The following LGSN variants were observed in gnomAD, a reference collection of about 807,000 sequenced individuals.
The protein encoded by LGSN is lengsin.
A neutral mutation model predicts 19.5 loss-of-function variants in LGSN; 21 were observed. The observed-to-expected ratio is 1.07, with a 90% confidence interval of 0.76 to 1.55. The LOEUF (loss-of-function observed/expected upper bound fraction) is 1.55. Ranked by LOEUF, LGSN falls within the 40% of genes most tolerant of loss-of-function variation. LGSN has a pLI of 0.00. For synonymous variants in LGSN, 257 were observed against 215.6 expected (o/e 1.19, Z -1.68); for missense variants, 673 against 608.5 (o/e 1.11, Z -1.12).
chr6:63,305,438 C>A (rs1320106639), intron 1 of LGSN, among the ~76,000 whole-genome samples: 1 of 152,172 alleles, frequency 6.6e-6, no homozygotes, highest in African/African-American at 2.4e-5. Context: ...TACCTCCTTA[C>A]ATATCTTAAG....
the LGSN span, among the ~76,000 whole-genome samples, chr6:63,527,496 G>A: frequency 6.6e-6 from 1 of 152,072 alleles, no homozygotes; most frequent in African/African-American, 2.4e-5. Context: ...TCAAAATGTA[G>A]AGGGTATAAA....
the LGSN span, among the ~76,000 whole-genome samples, chr6:63,335,569 A>G: frequency 6.6e-6 from 1 of 152,224 alleles, no homozygotes; most frequent in Non-Finnish European, 1.5e-5. Context: ...CAACATCTCT[A>G]ATCATCAGGG....
the LGSN span, among the ~76,000 whole-genome samples, chr6:63,449,317 C>T: frequency 3.9e-5 from 6 of 152,110 alleles, no homozygotes; most frequent in East Asian, 1.2e-3. Flanking sequence ...GAGGCCGAGG[C>T]GGGCGGATCA....
At chr6:63,323,035 A>T (rs1369850532), upstream of LGSN, among the ~76,000 whole-genome samples, 4 of 152,242 alleles carry the variant, frequency 2.6e-5, no homozygotes, top group Non-Finnish European at 4.4e-5. Context: ...AAATCATTTT[A>T]ATTTAGCATT....
At chr6:63,421,179 T>G in the LGSN span, among the ~76,000 whole-genome samples, 1 of 151,780 alleles carries the variant, frequency 6.6e-6, no homozygotes, top group East Asian at 1.9e-4. Context: ...CCCAGCATTT[T>G]GGGAGGCTGA....
rs753673176 is a variant in LGSN at position 63,280,337 on chromosome 6, A to T, written c.1214T>A (p.Ile405Lys). The T allele has an allele frequency of 1.2e-6, 2 of 1,614,180 alleles. No homozygotes were observed. Among genetic ancestry groups the T allele is most frequent in the African/African-American group, 2.7e-5 (2 of 75,042 alleles). Residue 405 changes from isoleucine to lysine, a missense_variant, in exon 4 of 4, where the codon ATA becomes AAA. By Grantham distance (102) the Ile-to-Lys change is moderately radical. Transcript: ENST00000370657. The part of the protein sequence containing the change: ...IKCHGEKGTR[I>K]ENKLGSATAN... Reference sequence around the variant, plus strand: ...TGTTGCTGAGCCTAGTTTATTTTCTATCCGGGTGCCTTTCTCTCCATGACA... The same window carrying T: ...TGTTGCTGAGCCTAGTTTATTTTCTTTCCGGGTGCCTTTCTCTCCATGACA...
At chr6:63,397,607 T>C in the LGSN span, among the ~76,000 whole-genome samples, 43 of 152,036 alleles carry the variant, frequency 2.8e-4, no homozygotes, top group Middle Eastern at 6.8e-3. Flanking sequence ...GTGGGAAGAC[T>C]TGTTAATAGA....
intron 1 of LGSN, among the ~76,000 whole-genome samples, chr6:63,317,834 C>T (rs1286097027): frequency 2.6e-5 from 4 of 152,182 alleles, no homozygotes; most frequent in African/African-American, 9.7e-5. Context: ...ATGGAAACGT[C>T]AGAACTGTGT....
At chr6:63,431,449 T>C in the LGSN span, among the ~76,000 whole-genome samples, 5 of 152,192 alleles carry the variant, frequency 3.3e-5, no homozygotes, top group African/African-American at 4.8e-5. Flanking sequence ...GTGTTTCCCA[T>C]TGAAGAAACA....
chr6:63,549,546 A>T, the LGSN span: 72 of 625,530 alleles, frequency 1.2e-4, no homozygotes, highest in Admixed American at 7.5e-4. Context: ...TAAAGGTGAT[A>T]AATGTTGACA....
chr6:63,404,562 A>T, the LGSN span, among the ~76,000 whole-genome samples: 3 of 152,076 alleles, frequency 2.0e-5, no homozygotes, highest in Non-Finnish European at 4.4e-5. Flanking sequence ...GTGTCTGCTG[A>T]GGGACCACTT....
At chr6:63,491,241 T>G in the LGSN span, among the ~76,000 whole-genome samples, 1 of 152,172 alleles carries the variant, frequency 6.6e-6, no homozygotes, top group Non-Finnish European at 1.5e-5. Context: ...TCCAGCACTT[T>G]AACCTGGAGT....
chr6:63,366,315 A>G, the LGSN span, among the ~76,000 whole-genome samples: 1 of 152,228 alleles, frequency 6.6e-6, no homozygotes, highest in African/African-American at 2.4e-5. Context: ...AGAGAGCCAA[A>G]TCAAGAGTGA....
the LGSN span, among the ~76,000 whole-genome samples, chr6:63,559,578 C>T: frequency 2.0e-5 from 3 of 152,060 alleles, no homozygotes; most frequent in Non-Finnish European, 4.4e-5. Flanking sequence ...AACCCTGTCT[C>T]TACTAAAAAT....
At chr6:63,333,101 G>T in the LGSN span, among the ~76,000 whole-genome samples, 2 of 151,962 alleles carry the variant, frequency 1.3e-5, no homozygotes, top group African/African-American at 4.8e-5. Flanking sequence ...AAAGAAAAAA[G>T]CTTCCACAGT....
chr6:63,482,545 A>G, the LGSN span, among the ~76,000 whole-genome samples: 9,482 of 152,244 alleles, frequency 0.062, 1,028 homozygotes, highest in African/African-American at 0.22. Flanking sequence ...CCTGGGCAGC[A>G]TAGCAAGACT....
At chr6:63,505,629 G>A in the LGSN span, among the ~76,000 whole-genome samples, 1 of 87,850 alleles carries the variant, frequency 1.1e-5, no homozygotes, top group African/African-American at 4.8e-5. Flanking sequence ...AAGAAAGAAA[G>A]AAAGAAATTC....
chr6:63,432,174 GGAA>G, the LGSN span, among the ~76,000 whole-genome samples: 1 of 22,640 alleles, frequency 4.4e-5, no homozygotes, highest in Non-Finnish European at 8.1e-5. Context: ...AGAAAGAAAA[GGAA>G]AGAAAGAAAA....
the LGSN span, among the ~76,000 whole-genome samples, chr6:63,461,540 G>A: frequency 1.1e-4 from 16 of 152,266 alleles, no homozygotes; most frequent in South Asian, 4.1e-4. Flanking sequence ...GTTATTTCCT[G>A]TGAACTTTCT....
Sources: gnomAD v4.1 joint callset for allele counts (sites outside exome capture counted in the v4.1 genomes callset) on GRCh38, gnomAD v4.1.1 for gene constraint, MANE v1.5 for transcripts, NCBI Gene and HGNC (gene_info 2026-07-23, HGNC 2026-07-21) for gene names.